The following CD58 variants were observed in gnomAD, a reference collection of about 807,000 sequenced individuals.
CD58 encodes lymphocyte function-associated antigen 3.
Under a neutral mutation model 27.6 loss-of-function variants are expected in CD58, and 14 were observed. The ratio of observed to expected loss-of-function variants is 0.51; its 90% CI spans 0.34 to 0.79. The LOEUF is 0.79. Among genes scored for constraint, CD58 ranks in the 30% least tolerant of loss-of-function variants. The pLI is 0.02. For missense variants in CD58, 268 were observed against 301.7 expected, an observed-to-expected ratio of 0.89 and a Z score of 0.83; for synonymous variants, 117 against 103.8, an observed-to-expected ratio of 1.13 and a Z score of -0.77.
At chr1:116,525,674 C>G (rs1657405501) in intron 3 of CD58, among the ~76,000 whole-genome samples, 1 of 152,238 alleles carries the variant, frequency 6.6e-6, no homozygotes, top group East Asian at 1.9e-4. Flanking sequence ...AGTTGCTCCA[C>G]ATCCTCACTG....
chr1:116,562,967 A>G (rs543190363), intron 1 of CD58, among the ~76,000 whole-genome samples: 1 of 152,288 alleles, frequency 6.6e-6, no homozygotes, highest in South Asian at 2.1e-4. Flanking sequence ...GCATTAATCC[A>G]AAAGTCTAAA....
Position 116,571,015 on chromosome 1 carries a change from A to T in CD58, c.-43T>A. ...TCTGCGCGAGTGCCCAGCCACAAGCAGCCCTAAGTTCAAGCACCGCCTACG... is the reference window on the plus strand; with the variant it reads ...TCTGCGCGAGTGCCCAGCCACAAGCTGCCCTAAGTTCAAGCACCGCCTACG... On this transcript the variant is annotated 5_prime_UTR_variant, in exon 1 of 6. Coordinates refer to ENST00000369489, the MANE Select transcript of CD58 (RefSeq NM_001779.3). The T allele has an allele frequency of 6.7e-7, 1 of 1,502,666 alleles. No homozygotes were observed. The highest frequency in any genetic ancestry group is 1.2e-5 in the South Asian group (1 of 82,084). The allele number at this position is 1,502,666 out of a possible 1,614,324, so 93.1% of individuals were successfully genotyped here. A position where few individuals can be genotyped will look rare whatever the true frequency, so the allele number is the denominator to read the frequency against.
At chr1:116,542,886 T>C (rs1025948928) in intron 2 of CD58, among the ~76,000 whole-genome samples, 3 of 152,066 alleles carry the variant, frequency 2.0e-5, no homozygotes, top group African/African-American at 7.2e-5. Context: ...TTATTCTCCT[T>C]AGTGAAATAA....
intron 5 of CD58, chr1:116,518,978 C>A: frequency 9.8e-7 from 1 of 1,021,022 alleles, no homozygotes; most frequent in Middle Eastern, 3.3e-4. Context: ...TGTCTCTAAG[C>A]AAGGGGTATG....
intron 1 of CD58, among the ~76,000 whole-genome samples, chr1:116,564,119 C>T (rs75457666): frequency 0.042 from 6,321 of 152,254 alleles, 413 homozygotes; most frequent in African/African-American, 0.14. Context: ...ATTTCTTCCA[C>T]CAGATGCCCT....
At chr1:116,540,644 G>A (rs1657959341) in intron 2 of CD58, among the ~76,000 whole-genome samples, 1 of 152,102 alleles carries the variant, frequency 6.6e-6, no homozygotes, top group Non-Finnish European at 1.5e-5. Context: ...CTCAAACCAG[G>A]ACTTTAAGTC....
chr1:116,559,542 A>G lies in CD58; in HGVS notation c.70+11361T>C, dbSNP rs893542612. On this transcript the variant is annotated intron_variant, in intron 1 of 5. Coordinates refer to ENST00000369489, the MANE Select transcript of CD58 (RefSeq NM_001779.3). This position sits in a 1 kb window ranked among gnomAD's most constrained non-coding sequence, Gnocchi z 4.4. ...GTTAGTGACTTCTCTTATTTCCTTA[A>G]GACAGAGATTTACTGATTTCAGCCA... is the stretch of plus-strand genomic sequence containing the variant. Among the ~76,000 whole-genome samples the G allele has an allele frequency of 3.3e-5, 5 of 152,032 alleles. No individual in the cohort carries two copies. Among genetic ancestry groups the G allele is most frequent in the Non-Finnish European group, 7.4e-5 (5 of 68,000 alleles).
rs1659094358 is a variant in CD58, at chr1:116,570,252, G to A, written c.70+651C>T. ...TGTGACGACTTGGCTGACAACACAC[G>A]GAGAGGATGGAACCAGTTCTGATAC... On this transcript the variant is annotated intron_variant, in intron 1 of 5. Coordinates refer to ENST00000369489, the MANE Select transcript of CD58 (RefSeq NM_001779.3). The surrounding 1 kb of genome is among the most constrained non-coding windows in gnomAD (Gnocchi z 6.4). Among the ~76,000 whole-genome samples, 2 of 152,208 alleles carry A rather than the reference G, an allele frequency of 1.3e-5. No individual in the cohort carries two copies. Among genetic ancestry groups the A allele is most frequent in the Admixed American group, 6.5e-5 (1 of 15,288 alleles).
intron 3 of CD58, among the ~76,000 whole-genome samples, chr1:116,535,557 G>A (rs1657765614): frequency 7.0e-6 from 1 of 142,544 alleles, no homozygotes; most frequent in Admixed American, 7.1e-5. Context: ...ATTGTAACTT[G>A]TTGGCCGGGC....
chr1:116,534,703 T>C lies in CD58; in HGVS notation c.628+1262A>G, dbSNP rs965845219. On this transcript the variant is annotated intron_variant, in intron 3 of 5. Coordinates refer to ENST00000369489, the MANE Select transcript of CD58 (RefSeq NM_001779.3). This position sits in a 1 kb window ranked among gnomAD's most constrained non-coding sequence, Gnocchi z 5.3. Reference sequence around the variant, plus strand: ...TCTACTTTTTCTTGAAAAATGTCTTTCCTTTCCCAAAAGTGACTCTGCTTT... The same window carrying C: ...TCTACTTTTTCTTGAAAAATGTCTTCCCTTTCCCAAAAGTGACTCTGCTTT... 7.2e-5 allele frequency among the ~76,000 whole-genome samples: 11 copies of C among 152,230 alleles called. No homozygotes were observed. The highest frequency in any genetic ancestry group is 1.5e-4 in the Non-Finnish European group (10 of 68,024).
Position 116,531,116 on chromosome 1 carries a change from A to T in CD58, c.628+4849T>A, listed in dbSNP as rs922143331. On this transcript the variant is annotated intron_variant, in intron 3 of 5. Transcript: ENST00000369489. The surrounding 1 kb of genome is among the most constrained non-coding windows in gnomAD (Gnocchi z 4.5). ...TACTTATTTCAAATCAATAAGAGGA[A>T]TATCATTCCTCTTATGATCTTTTAC... Among the ~76,000 whole-genome samples the T allele has an allele frequency of 4.6e-5, 7 of 152,370 alleles. No homozygotes were observed. Among genetic ancestry groups the T allele is most frequent in the Admixed American group, 6.5e-5 (1 of 15,312 alleles).
Position 116,528,255 on chromosome 1 carries a change from T to C in CD58, c.629-6272A>G, listed in dbSNP as rs1014697322. ...ACATTCTTTATCTCAGTCTACATAA[T>C]ATTATTTCCTATGTTGCATTTCTTT... On this transcript the variant is annotated intron_variant, in intron 3 of 5. Coordinates refer to ENST00000369489, the MANE Select transcript of CD58 (RefSeq NM_001779.3). The surrounding 1 kb of genome is among the most constrained non-coding windows in gnomAD (Gnocchi z 4.4). Among the ~76,000 whole-genome samples, 2 of 152,232 alleles carry C rather than the reference T, an allele frequency of 1.3e-5. No individual in the cohort carries two copies. The highest frequency in any genetic ancestry group is 6.5e-5 in the Admixed American group (1 of 15,286).
chr1:116,553,909 G>C (rs990940526), intron 1 of CD58, among the ~76,000 whole-genome samples: 1 of 152,094 alleles, frequency 6.6e-6, no homozygotes, highest in Non-Finnish European at 1.5e-5. Flanking sequence ...GGCCAGGAGG[G>C]GGATGGCATC....
At chr1:116,518,576 ACTT>A (rs774726769) in intron 5 of CD58, 35 of 665,212 alleles carry the variant, frequency 5.3e-5, no homozygotes, top group Non-Finnish European at 6.3e-5. Context: ...ATGGCTTGCT[ACTT>A]CTTGTCCTGC....
chr1:116,519,263 A>G lies in CD58; in HGVS notation c.711T>C (p.Ile237=). 6.2e-7 allele frequency: 1 copy of G among 1,611,342 alleles called. No individual in the cohort carries two copies. The highest frequency in any genetic ancestry group is 8.5e-7 in the Non-Finnish European group (1 of 1,178,474). The change falls in exon 5 of 6, where the codon ATT becomes ATC. Residue 237 remains isoleucine (I), a synonymous_variant. Coordinates refer to ENST00000369489, the MANE Select transcript of CD58 (RefSeq NM_001779.3). The surrounding 1 kb of genome is among the most constrained non-coding windows in gnomAD (Gnocchi z 4.7). ...TGTCTGGTTTTCTGTCACATTTCAG[A>G]ATACCTAAAAATGAAGAAATTGTCT... ...TTCIVLYMNG[I]LKCDRKPDRT...
intron 2 of CD58, among the ~76,000 whole-genome samples, chr1:116,539,811 T>C (rs569294138): frequency 2.6e-5 from 4 of 152,360 alleles, no homozygotes; most frequent in African/African-American, 7.2e-5. Flanking sequence ...ACCACAGCTG[T>C]ATCTAACAAA....
At chr1:116,533,468 C>T (rs1657684420) in intron 3 of CD58, 2 of 744,086 alleles carry the variant, frequency 2.7e-6, no homozygotes, top group African/African-American at 3.4e-5. Flanking sequence ...GAAAGTGGAA[C>T]TCTTAATATG....
rs1188165056 is a variant in CD58 at position 116,515,244 on chromosome 1, C to A, written c.744-422G>T. Among the ~76,000 whole-genome samples the A allele has an allele frequency of 6.6e-6, 1 of 152,196 alleles. No homozygotes were observed. Among genetic ancestry groups the A allele is most frequent in the Non-Finnish European group, 1.5e-5 (1 of 68,040 alleles). ...TCCTGTTTAGTCACCTCTGTGGCAACGACAGAACAATCTCTGGCTGTCTTG... is the reference window on the plus strand; with the variant it reads ...TCCTGTTTAGTCACCTCTGTGGCAAAGACAGAACAATCTCTGGCTGTCTTG... On this transcript the variant is annotated intron_variant, in intron 5 of 5. Transcript: ENST00000369489. This position sits in a 1 kb window ranked among gnomAD's most constrained non-coding sequence, Gnocchi z 4.6.
At chr1:116,569,519 A>G (rs938635006) in intron 1 of CD58, among the ~76,000 whole-genome samples, 4 of 151,048 alleles carry the variant, frequency 2.6e-5, no homozygotes, top group African/African-American at 9.7e-5. Context: ...CCTCCCTCCC[A>G]TGAAGACTGC....
Sources: allele counts gnomAD v4.1 joint callset (sites outside exome capture counted in the v4.1 genomes callset), GRCh38; gene constraint gnomAD v4.1.1; non-coding constraint Gnocchi (gnomAD v3.1); transcripts MANE v1.5; gene names NCBI Gene and HGNC (gene_info 2026-07-23, HGNC 2026-07-21).